Variants in PCDHA4 observed in about 807,000 individuals in gnomAD.
The protein encoded by PCDHA4 is protocadherin alpha 4.
In PCDHA4, 49 loss-of-function variants were observed where a neutral mutation model predicts 61.4. That is an observed-to-expected ratio of 0.80 (90% CI 0.63 to 1.01). The LOEUF is 1.01. PCDHA4 is among the 50% of genes least tolerant of loss of function. PCDHA4 has a pLI of 0.00. For missense variants in PCDHA4, 1,254 were observed against 1,235.8 expected, an observed-to-expected ratio of 1.01 and a Z score of -0.22; for synonymous variants, 590 against 550.3, an observed-to-expected ratio of 1.07 and a Z score of -1.01.
At chr5:140,944,166 G>A (rs1483002893) in intron 1 of PCDHA4, among the ~76,000 whole-genome samples, 1 of 152,024 alleles carries the variant, frequency 6.6e-6, no homozygotes, top group Non-Finnish European at 1.5e-5. Context: ...AAAGGGCCAA[G>A]GCTGGTTTTT....
At chr5:140,840,931 G>T (rs529661807) in intron 1 of PCDHA4, among the ~76,000 whole-genome samples, 1 of 151,938 alleles carries the variant, frequency 6.6e-6, no homozygotes, top group Non-Finnish European at 1.5e-5. Flanking sequence ...TAATTGATAC[G>T]ATATTTGAAA....
chr5:140,960,249 T>C (rs2095534563), intron 1 of PCDHA4, among the ~76,000 whole-genome samples: 1 of 152,210 alleles, frequency 6.6e-6, no homozygotes, highest in African/African-American at 2.4e-5. Flanking sequence ...AGAAGCTTCC[T>C]GGAGCTTCTG....
intron 1 of PCDHA4, chr5:140,857,826 T>A (rs782420102): frequency 6.3e-7 from 1 of 1,597,464 alleles, no homozygotes; most frequent in South Asian, 1.1e-5. Context: ...GTGGCTAAGG[T>A]GCGCGCAGTG....
intron 1 of PCDHA4, among the ~76,000 whole-genome samples, chr5:140,924,911 TA>T (rs1563069164): frequency 3.0e-4 from 18 of 59,772 alleles, no homozygotes; most frequent in Middle Eastern, 7.5e-3. Flanking sequence ...AAAAATAAAA[TA>T]AAATAAAATA....
intron 1 of PCDHA4, among the ~76,000 whole-genome samples, chr5:140,944,240 T>C (rs374307364): frequency 2.1e-4 from 32 of 152,316 alleles, no homozygotes; most frequent in African/African-American, 7.5e-4. Flanking sequence ...CAGGCTGGAG[T>C]GCAGTGATGT....
rs1274589805 is a variant in PCDHA4, at chr5:140,906,709, G to T, written c.2386-72240G>T. Among the ~76,000 whole-genome samples the T allele has an allele frequency of 3.3e-5, 5 of 152,190 alleles. No individual in the cohort carries two copies. In the East Asian group the frequency reaches 9.6e-4, roughly 29 times the overall value. ...AAGGATCTGGGCCATTTGTAGTCCT[G>T]CCTGGATTGTGCTGTTGTAGTTTCC... On this transcript the variant is annotated intron_variant, in intron 1 of 3. Transcript: ENST00000530339.
chr5:141,009,686 A>G lies in PCDHA4; in HGVS notation c.2593A>G (p.Thr865Ala). Residue 865 changes from threonine to alanine, a missense_variant, in exon 4 of 4, where the codon ACC becomes GCC. Thr to Ala is a moderately conservative substitution (Grantham distance 58). Coordinates refer to ENST00000530339, the MANE Select transcript of PCDHA4 (RefSeq NM_018907.4). ...VGAGVNSNSW[T>A]FKYGPGNPKQ... ...TGCGGGTGTCAACAGCAACAGCTGG[A>G]CCTTTAAATACGGACCAGGCAACCC... is the stretch of plus-strand genomic sequence containing the variant. The G allele has an allele frequency of 6.2e-7, 1 of 1,613,998 alleles. No homozygotes were observed. The highest frequency in any genetic ancestry group is 8.5e-7 in the Non-Finnish European group (1 of 1,179,996).
chr5:140,846,716 T>A (rs1562434614), intron 1 of PCDHA4, among the ~76,000 whole-genome samples: 1 of 149,312 alleles, frequency 6.7e-6, no homozygotes, highest in Non-Finnish European at 1.5e-5. Context: ...TAATAACCAG[T>A]CTTCATTAAA....
At chr5:140,818,598 G>A (rs1262716925) in intron 1 of PCDHA4, among the ~76,000 whole-genome samples, 4 of 152,138 alleles carry the variant, frequency 2.6e-5, no homozygotes, top group Admixed American at 2.6e-4. Flanking sequence ...ACACCTGTGT[G>A]GGCCATGACA....
intron 1 of PCDHA4, among the ~76,000 whole-genome samples, chr5:140,920,911 G>C (rs1290667252): frequency 6.6e-6 from 1 of 150,718 alleles, no homozygotes; most frequent in African/African-American, 2.4e-5. Context: ...TCTCAAATCA[G>C]TTCCAAGAGT....
intron 1 of PCDHA4, chr5:140,876,327 G>T: frequency 6.2e-7 from 1 of 1,614,026 alleles, no homozygotes. Flanking sequence ...AAATGATTTT[G>T]CCAGTGAGTG....
At chr5:140,863,655 G>T in intron 1 of PCDHA4, 1 of 295,936 alleles carries the variant, frequency 3.4e-6, no homozygotes, top group Non-Finnish European at 6.6e-6. Context: ...TAATTTGATT[G>T]CTTTATTTAT....
At chr5:140,919,069 A>G (rs2078992601) in intron 1 of PCDHA4, among the ~76,000 whole-genome samples, 1 of 152,200 alleles carries the variant, frequency 6.6e-6, no homozygotes, top group African/African-American at 2.4e-5. Context: ...TAAAGTCTCC[A>G]GTTATGACTA....
intron 1 of PCDHA4, chr5:140,855,778 TAA>T: frequency 2.5e-6 from 1 of 407,854 alleles, no homozygotes; most frequent in Non-Finnish European, 4.4e-6. Context: ...TAAAAATACG[TAA>T]AAAAAGAATT....
intron 3 of PCDHA4, among the ~76,000 whole-genome samples, chr5:140,986,473 CA>C (rs1217616254): frequency 6.6e-6 from 1 of 152,192 alleles, no homozygotes; most frequent in Non-Finnish European, 1.5e-5. Context: ...CTCTTGTGAT[CA>C]GTTCCTAGGG....
intron 1 of PCDHA4, chr5:140,824,078 T>A: frequency 6.2e-7 from 1 of 1,614,194 alleles, no homozygotes; most frequent in South Asian, 1.1e-5. Flanking sequence ...AAAACAGACC[T>A]CATGGCCTTC....
In PCDHA4 at chr5:141,010,018, T is replaced by G. The variant is rs1257083450; in HGVS notation, c.*81T>G. On this transcript the variant is annotated 3_prime_UTR_variant, in exon 4 of 4. Coordinates refer to ENST00000530339, the MANE Select transcript of PCDHA4 (RefSeq NM_018907.4). ...TCCCATGTAGCAATTCCCTGCTCCTTTTTCCTATCTACATGAGCCCTCTTA... is the reference window on the plus strand; with the variant it reads ...TCCCATGTAGCAATTCCCTGCTCCTGTTTCCTATCTACATGAGCCCTCTTA... 2.5e-5 allele frequency: 40 copies of G among 1,571,834 alleles called. No homozygotes were observed. Among genetic ancestry groups the G allele is most frequent in the Non-Finnish European group, 3.4e-5 (39 of 1,163,118 alleles).
At chr5:140,960,380 A>G (rs2095544105) in intron 1 of PCDHA4, among the ~76,000 whole-genome samples, 2 of 152,200 alleles carry the variant, frequency 1.3e-5, no homozygotes, top group African/African-American at 4.8e-5. Flanking sequence ...TTAAGTGCCA[A>G]GACATTAGGA....
At chr5:140,952,104 C>T (rs1009516552) in intron 1 of PCDHA4, among the ~76,000 whole-genome samples, 3 of 152,102 alleles carry the variant, frequency 2.0e-5, no homozygotes, top group South Asian at 2.1e-4. Flanking sequence ...AGGGCACACT[C>T]GTGTGAGGGA....
Sources: allele counts gnomAD v4.1 joint callset (sites outside exome capture counted in the v4.1 genomes callset), GRCh38; gene constraint gnomAD v4.1.1; transcripts MANE v1.5; gene names NCBI Gene and HGNC (gene_info 2026-07-23, HGNC 2026-07-21).